The following RBM44 variants were observed in gnomAD, a reference collection of about 807,000 sequenced individuals.
RBM44 encodes RNA binding motif protein 44, also known as RNA-binding protein 44.
RBM44 carries 66 observed loss-of-function variants against 105.1 expected under a neutral mutation model. That is an observed-to-expected ratio of 0.63 (90% CI 0.52 to 0.77). RBM44 has a LOEUF of 0.77. RBM44 is among the 30% of genes least tolerant of loss of function. The pLI, the probability that RBM44 is intolerant of heterozygous loss-of-function variation, is 0.00. For missense variants in RBM44, 1,122 were observed against 1,207.8 expected (o/e 0.93, Z 1.05); for synonymous variants, 365 against 417.6 (o/e 0.87, Z 1.54).
chr2:237,825,542 G>C (rs982198284), intron 10 of RBM44, among the ~76,000 whole-genome samples: 13 of 152,026 alleles, frequency 8.6e-5, no homozygotes, highest in Non-Finnish European at 1.6e-4. Context: ...TTCTTCCCTT[G>C]CATTAGTTTT....
intron 12 of RBM44, 57 bp downstream of exon 12, chr2:237,827,560 G>A: frequency 1.0e-6 from 1 of 988,258 alleles, no homozygotes; most frequent in Non-Finnish European, 1.5e-6. Context: ...TTTGCCAAAG[G>A]TTCTATACCA....
rs769968294 is a variant in RBM44 at position 237,817,854 on chromosome 2, A to G, written c.935A>G (p.Lys312Arg). ...CCAGGAAACCAGGAATCTCAATCTA[A>G]GAGTGGTTCCTTGAGCCCTCAAAAA... ...NSPGNQESQS[K>R]SGSLSPQKVL... Residue 312 changes from lysine to arginine, a missense_variant, in exon 3 of 16, where the codon AAG (lysine) becomes AGG (arginine). Lys to Arg is a conservative substitution (Grantham distance 26). This residue lies in a region of RBM44 where 918 missense variants were observed against 955.3 expected (regional missense o/e 0.96). Transcript: ENST00000316997. 1 of 1,611,534 alleles carries G rather than the reference A, an allele frequency of 6.2e-7. No individual in the cohort carries two copies. Among genetic ancestry groups the G allele is most frequent in the Non-Finnish European group, 8.5e-7 (1 of 1,179,026 alleles).
Position 237,827,294 on chromosome 2 carries a change from A to T in RBM44, c.2494A>T (p.Ile832Leu). ...EPSQRDKGYL[I>L]HVGGLCPSVS... Reference sequence around the variant, plus strand: ...CTCACAAAGAGATAAAGGTTATTTGATACATGTTGGTGGCCTCTGCCCTTC... The same window carrying T: ...CTCACAAAGAGATAAAGGTTATTTGTTACATGTTGGTGGCCTCTGCCCTTC... Residue 832 changes from isoleucine to leucine, a missense_variant, in exon 11 of 16, where the codon ATA (isoleucine) becomes TTA (leucine). Physicochemically the swap from Ile to Leu is conservative, Grantham distance 5. Coordinates refer to ENST00000316997, the MANE Select transcript of RBM44 (RefSeq NM_001080504.3). 6 of 1,595,768 alleles carry T rather than the reference A, an allele frequency of 3.8e-6. No individual in the cohort carries two copies. Among genetic ancestry groups the T allele is most frequent in the Admixed American group, 1.7e-5 (1 of 58,606 alleles).
chr2:237,819,418 G>A (rs2061758894), intron 4 of RBM44, among the ~76,000 whole-genome samples: 1 of 152,020 alleles, frequency 6.6e-6, no homozygotes, highest in Non-Finnish European at 1.5e-5. Flanking sequence ...ACCAGGAAGT[G>A]GGAGGGAGAG....
chr2:237,830,776 A>G (rs990488430), intron 13 of RBM44, among the ~76,000 whole-genome samples: 3 of 152,158 alleles, frequency 2.0e-5, no homozygotes, highest in Non-Finnish European at 4.4e-5. Flanking sequence ...TTCTACCCAT[A>G]GTACACTGTC....
chr2:237,830,161 C>T (rs534069230), intron 13 of RBM44, among the ~76,000 whole-genome samples: 30 of 152,218 alleles, frequency 2.0e-4, no homozygotes, highest in African/African-American at 6.0e-4. Flanking sequence ...AAAACTTGAC[C>T]TTTTTCAGAA....
Position 237,810,177 on chromosome 2 carries a change from C to T in RBM44, c.-18-3415C>T, listed in dbSNP as rs59949951. On this transcript the variant is annotated intron_variant, in intron 1 of 15. Coordinates refer to ENST00000316997, the MANE Select transcript of RBM44 (RefSeq NM_001080504.3). ...TGGTATGTGTTTTACACCTACAGAA[C>T]ATCTCAATTCAGATTAACCAGATTT... is the stretch of plus-strand genomic sequence containing the variant. Among the ~76,000 whole-genome samples, 91 of 152,218 alleles carry T rather than the reference C, an allele frequency of 6.0e-4. 1 individual carries two copies. The East Asian group carries it at 0.014, about 23-fold the overall frequency.
intron 1 of RBM44, among the ~76,000 whole-genome samples, chr2:237,806,527 A>G (rs1237753557): frequency 6.6e-6 from 1 of 152,208 alleles, no homozygotes; most frequent in African/African-American, 2.4e-5. Flanking sequence ...CTATGATGAT[A>G]GCCTGGCTTC....
At chr2:237,837,074 C>T (rs2061967543) in intron 15 of RBM44, among the ~76,000 whole-genome samples, 3 of 152,164 alleles carry the variant, frequency 2.0e-5, no homozygotes, top group Admixed American at 2.0e-4. Context: ...TACCATGTTA[C>T]CCAGGCTGGT....
In RBM44 at chr2:237,842,331, T is replaced by G. The variant is rs2062019783; in HGVS notation, c.*515T>G. 1 of 152,136 alleles carries G rather than the reference T, an allele frequency of 6.6e-6. No individual in the cohort carries two copies. The highest frequency in any genetic ancestry group is 1.5e-5 in the Non-Finnish European group (1 of 67,978). The allele number at this position is 152,136 out of a possible 1,614,324, so 9.4% of individuals were successfully genotyped here. A position where few individuals can be genotyped will look rare whatever the true frequency, so the allele number is the denominator to read the frequency against. ...TAGATACATTCAGTATCATACAACA[T>G]TTTGGAATGTGTATGCTTTCAGGCT... On this transcript the variant is annotated 3_prime_UTR_variant, in exon 16 of 16. Transcript: ENST00000316997.
At chr2:237,824,636 T>A (rs2061829581) in intron 10 of RBM44, among the ~76,000 whole-genome samples, 1 of 152,136 alleles carries the variant, frequency 6.6e-6, no homozygotes, top group Non-Finnish European at 1.5e-5. Context: ...AAGATTTAGT[T>A]AACAGGTAGA....
Position 237,820,452 on chromosome 2 carries a change from G to T in RBM44, c.1913+101G>T, listed in dbSNP as rs1346713985. On this transcript the variant is annotated intron_variant, in intron 5 of 15. Coordinates refer to ENST00000316997, the MANE Select transcript of RBM44 (RefSeq NM_001080504.3). The stretch of plus-strand genomic sequence containing the variant: ...AATTTTCATTTTTGAAGAGTAAAAT[G>T]AGGAGTAGATTGTTACTGGGTTTGT... 6.8e-6 allele frequency: 5 copies of T among 732,480 alleles called. No individual in the cohort carries two copies. In the African/African-American group the frequency reaches 9.2e-5, roughly 14 times the overall value. 45.4% of individuals were successfully genotyped at this position (732,480 alleles called of 1,614,324 possible). A position where few individuals can be genotyped will look rare whatever the true frequency, so the allele number is the denominator to read the frequency against.
intron 13 of RBM44, among the ~76,000 whole-genome samples, chr2:237,832,752 T>C (rs1280157786): frequency 2.0e-5 from 3 of 152,222 alleles, no homozygotes; most frequent in Non-Finnish European, 4.4e-5. Flanking sequence ...TTAGAAAATA[T>C]TGATTGTCTA....
In RBM44 at chr2:237,838,942, C is replaced by A. The variant is rs116588591; in HGVS notation, c.*23-2897C>A. ...TACTGGGGGATGGTCATGTAGTTGC[C>A]CTCTGCCTAGCACATACTGTAGCTC... On this transcript the variant is annotated intron_variant, in intron 15 of 15. Coordinates refer to ENST00000316997, the MANE Select transcript of RBM44 (RefSeq NM_001080504.3). Among the ~76,000 whole-genome samples, 1,101 of 152,194 alleles carry A rather than the reference C, an allele frequency of 7.2e-3. 14 individuals carry two copies. The highest frequency in any genetic ancestry group is 0.024 in the African/African-American group (1,000 of 41,504).
intron 13 of RBM44, among the ~76,000 whole-genome samples, chr2:237,831,535 G>A (rs1327788835): frequency 1.3e-5 from 2 of 151,928 alleles, no homozygotes; most frequent in African/African-American, 4.8e-5. Flanking sequence ...TGCTCACCTC[G>A]GCCTCCCAAA....
chr2:237,837,257 C>A (rs2061969328), intron 15 of RBM44, among the ~76,000 whole-genome samples: 1 of 152,094 alleles, frequency 6.6e-6, no homozygotes, highest in African/African-American at 2.4e-5. Flanking sequence ...ATCCATTCTG[C>A]AGCCTATGGA....
Position 237,798,991 on chromosome 2 carries a change from G to A in RBM44, c.-19+130G>A, listed in dbSNP as rs1277678449. 6.6e-6 allele frequency: 1 copy of A among 152,198 alleles called. No homozygotes were observed. Among genetic ancestry groups the A allele is most frequent in the African/African-American group, 2.4e-5 (1 of 41,446 alleles). 9.4% of individuals were successfully genotyped at this position (152,198 alleles called of 1,614,324 possible). On this transcript the variant is annotated intron_variant, in intron 1 of 15. Coordinates refer to ENST00000316997, the MANE Select transcript of RBM44 (RefSeq NM_001080504.3). The surrounding 1 kb of genome is among the most constrained non-coding windows in gnomAD (Gnocchi z 4.3). ...TCCCGGCGGCGAGGCCCGTCCCGCT[G>A]AAGCACGCGGGGACTCCGAACGGCG...
rs1422426511 is a variant in RBM44 at position 237,841,834 on chromosome 2, T to C, written c.*23-5T>C. On this transcript the variant is annotated splice_region_variant and splice_polypyrimidine_tract_variant and intron_variant, in intron 15 of 15. Transcript: ENST00000316997. This position sits in a 1 kb window ranked among gnomAD's most constrained non-coding sequence, Gnocchi z 4.5. Reference sequence around the variant, plus strand: ...TTGTTGATTTCTCCTTTCTTTTGATTCTAGAACTTCCTTGGAAAGTGTGTT... The same window carrying C: ...TTGTTGATTTCTCCTTTCTTTTGATCCTAGAACTTCCTTGGAAAGTGTGTT... The C allele has an allele frequency of 6.6e-6, 1 of 152,164 alleles. No homozygotes were observed. The highest frequency in any genetic ancestry group is 1.5e-5 in the Non-Finnish European group (1 of 68,002). The allele number at this position is 152,164 out of a possible 1,614,324, so 9.4% of individuals were successfully genotyped here.
At chr2:237,813,823 C>A in intron 2 of RBM44, 141 bp downstream of exon 2, 2 of 591,746 alleles carry the variant, frequency 3.4e-6, no homozygotes. Context: ...TTTTAACTTG[C>A]CAAATTGACT....
Sources: gnomAD v4.1 joint callset for allele counts (sites outside exome capture counted in the v4.1 genomes callset) on GRCh38, gnomAD v4.1.1 for gene constraint, gnomAD v4.1.1 regional missense constraint, Gnocchi (gnomAD v3.1) non-coding constraint, MANE v1.5 for transcripts, NCBI Gene and HGNC (gene_info 2026-07-23, HGNC 2026-07-21) for gene names.